VAV3: variants seen among roughly 807,000 people sequenced by gnomAD.
VAV3 encodes guanine nucleotide exchange factor VAV3.
A neutral mutation model predicts 131.2 loss-of-function variants in VAV3; 94 were observed. The observed-to-expected ratio is 0.72, with a 90% CI of 0.61 to 0.85. The LOEUF is 0.85. Among genes scored for constraint, VAV3 ranks in the 40% least tolerant of loss-of-function variants. The probability of loss-of-function intolerance (pLI) is 0.00; values close to 1 mark genes in which losing one functional copy is unlikely to be tolerated. For missense variants in VAV3, 939 were observed against 1,002.7 expected (o/e 0.94, Z 0.86); for synonymous variants, 349 against 342.0 (o/e 1.02, Z -0.22).
chr1:107,935,639 A>C (rs1228539111), intron 1 of VAV3, among the ~76,000 whole-genome samples: 1 of 152,208 alleles, frequency 6.6e-6, no homozygotes, highest in East Asian at 1.9e-4. Flanking sequence ...CCGTGACCTG[A>C]ATAAGTTCAC....
intron 15 of VAV3, among the ~76,000 whole-genome samples, chr1:107,711,383 A>T (rs982377598): frequency 1.1e-4 from 16 of 152,320 alleles, no homozygotes; most frequent in East Asian, 1.9e-4. Flanking sequence ...CAATATTTTT[A>T]AAAAATCCCA....
At chr1:107,779,210 T>C (rs1346252689) in intron 3 of VAV3, among the ~76,000 whole-genome samples, 2 of 151,708 alleles carry the variant, frequency 1.3e-5, no homozygotes, top group African/African-American at 2.4e-5. Flanking sequence ...GACAGTCACC[T>C]GTGAATTGAG....
chr1:107,619,841 T>C (rs1653435778), intron 20 of VAV3, among the ~76,000 whole-genome samples: 1 of 152,184 alleles, frequency 6.6e-6, no homozygotes, highest in Non-Finnish European at 1.5e-5. Context: ...TGTGACAGTG[T>C]ATGTTGGCCA....
chr1:107,749,444 T>G lies in VAV3; in HGVS notation c.1392+18A>C, dbSNP rs376458921. 3.2e-6 allele frequency: 5 copies of G among 1,584,608 alleles called. No individual in the cohort carries two copies. In the Admixed American group the frequency reaches 7.9e-5, roughly 25 times the overall value. ...AAGATTATAAGTAAATTACAGTTATTAGTTTCCAAAAAGTCACCTTTTTGT... is the reference window on the plus strand; with the variant it reads ...AAGATTATAAGTAAATTACAGTTATGAGTTTCCAAAAAGTCACCTTTTTGT... On this transcript the variant is annotated intron_variant, in intron 14 of 26. Coordinates refer to ENST00000370056, the MANE Select transcript of VAV3 (RefSeq NM_006113.5).
At chr1:107,669,264 C>G in intron 19 of VAV3, 1 of 1,267,796 alleles carries the variant, frequency 7.9e-7, no homozygotes, top group South Asian at 1.3e-5. Flanking sequence ...AGGATCTCTT[C>G]TTTATCCTTC....
rs753133381 is a variant in VAV3 at position 107,574,135 on chromosome 1, C to T, written c.2414G>A (p.Arg805Lys). The T allele has an allele frequency of 2.5e-6, 4 of 1,614,158 alleles. No homozygotes were observed. In the South Asian group the frequency reaches 4.4e-5, roughly 18 times the overall value. Reference sequence around the variant, plus strand: ...ATCTCCTTTCAACAAGGACAACTCTCTCATATCTCTTGCACAGAAGTCATA... The same window carrying T: ...ATCTCCTTTCAACAAGGACAACTCTTTCATATCTCTTGCACAGAAGTCATA... ...ARYDFCARDM[R>K]ELSLLKGDVV... The change falls in exon 26 of 27, where the codon AGA (arginine) becomes AAA (lysine). Residue 805 changes from arginine (R) to lysine (K), a missense_variant. Arg to Lys is a conservative substitution (Grantham distance 26, BLOSUM62 2). Coordinates refer to ENST00000370056, the MANE Select transcript of VAV3 (RefSeq NM_006113.5).
chr1:107,630,435 T>G (rs557250995), intron 20 of VAV3, among the ~76,000 whole-genome samples: 1 of 152,286 alleles, frequency 6.6e-6, no homozygotes, highest in Admixed American at 6.5e-5. Flanking sequence ...ATTTGCTTTA[T>G]TTTGTATGCA....
chr1:107,790,480 G>T (rs1033450994), intron 2 of VAV3, among the ~76,000 whole-genome samples: 5 of 152,214 alleles, frequency 3.3e-5, no homozygotes, highest in Non-Finnish European at 7.3e-5. Context: ...AAGGGTTACA[G>T]AGGAATGGCA....
At chr1:107,624,375 TG>T (rs1380993210) in intron 20 of VAV3, among the ~76,000 whole-genome samples, 1 of 1,674 alleles carries the variant, frequency 6.0e-4, no homozygotes, top group East Asian at 0.071. Context: ...GTCTTATGAC[TG>T]TGTGTGTGTG....
At chr1:107,816,595 G>T (rs750731929) in intron 2 of VAV3, among the ~76,000 whole-genome samples, 1 of 152,114 alleles carries the variant, frequency 6.6e-6, no homozygotes. Context: ...GCCTATAGGG[G>T]TTCATTGGTA....
At chr1:107,785,212 A>T (rs1213579076) in intron 2 of VAV3, among the ~76,000 whole-genome samples, 1 of 152,236 alleles carries the variant, frequency 6.6e-6, no homozygotes, top group African/African-American at 2.4e-5. Context: ...TCATCTAAGC[A>T]GGAGCAGTAT....
At chr1:107,689,111 G>A (rs1039665235) in intron 17 of VAV3, among the ~76,000 whole-genome samples, 6 of 152,236 alleles carry the variant, frequency 3.9e-5, no homozygotes, top group Admixed American at 6.5e-5. Context: ...GCAAAGGATC[G>A]TTCTGGGGAT....
chr1:107,819,068 A>T (rs889475915), intron 2 of VAV3, among the ~76,000 whole-genome samples: 4 of 152,190 alleles, frequency 2.6e-5, no homozygotes, highest in Admixed American at 1.3e-4. Context: ...TTGGAAAAAA[A>T]ATATAAGCTT....
At chr1:107,866,276 T>G (rs536265978) in intron 2 of VAV3, among the ~76,000 whole-genome samples, 1 of 152,278 alleles carries the variant, frequency 6.6e-6, no homozygotes, top group African/African-American at 2.4e-5. Context: ...TCAGTCGAAT[T>G]CTTTCTTCTG....
At chr1:107,939,771 A>C (rs746468138) in intron 1 of VAV3, among the ~76,000 whole-genome samples, 12 of 152,176 alleles carry the variant, frequency 7.9e-5, no homozygotes, top group Non-Finnish European at 1.6e-4. Context: ...AGCAGATTAA[A>C]AATGGGGAAG....
intron 15 of VAV3, among the ~76,000 whole-genome samples, chr1:107,739,088 T>C (rs569805146): frequency 3.3e-5 from 5 of 152,380 alleles, no homozygotes; most frequent in South Asian, 4.1e-4. Flanking sequence ...TATTTGCTGA[T>C]GGAAATTTCG....
At chr1:107,958,938 A>G (rs1027651814) in intron 1 of VAV3, among the ~76,000 whole-genome samples, 3 of 152,170 alleles carry the variant, frequency 2.0e-5, no homozygotes, top group African/African-American at 7.2e-5. Flanking sequence ...TTCAATAGGT[A>G]TAAAATAAGA....
At chr1:107,646,126 A>G (rs910199125) in intron 19 of VAV3, among the ~76,000 whole-genome samples, 2 of 152,098 alleles carry the variant, frequency 1.3e-5, no homozygotes, top group Admixed American at 6.6e-5. Flanking sequence ...CTTGGCTACC[A>G]TACTTCAAAG....
chr1:107,924,678 A>G (rs1673067852), intron 1 of VAV3, among the ~76,000 whole-genome samples: 1 of 152,220 alleles, frequency 6.6e-6, no homozygotes, highest in Admixed American at 6.5e-5. Context: ...AGCTAAAAAC[A>G]GTGCCTTCAT....
Sources: gnomAD v4.1 joint callset for allele counts (sites outside exome capture counted in the v4.1 genomes callset) on GRCh38, gnomAD v4.1.1 for gene constraint, MANE v1.5 for transcripts, NCBI Gene and HGNC (gene_info 2026-07-23, HGNC 2026-07-21) for gene names.